PRRC2B: variants seen among roughly 807,000 people sequenced by gnomAD.
The protein encoded by PRRC2B is proline rich coiled-coil 2B.
Under a neutral mutation model 242.3 loss-of-function variants are expected in PRRC2B, and 68 were observed. That is an observed-to-expected ratio of 0.28 (90% CI 0.23 to 0.34). The LOEUF (loss-of-function observed/expected upper bound fraction) is 0.34, where lower values mean the gene tolerates loss of function less well. Among genes scored for constraint, PRRC2B ranks in the 10% least tolerant of loss-of-function variants. The pLI is 1.00. For synonymous variants in PRRC2B, 1,228 were observed against 1,173.6 expected (o/e 1.05, Z -0.95); for missense variants, 2,835 against 2,954.8 (o/e 0.96, Z 0.94).
chr9:131,399,174 G>A (rs1837151106), intron 1 of PRRC2B, among the ~76,000 whole-genome samples: 1 of 151,456 alleles, frequency 6.6e-6, no homozygotes, highest in Non-Finnish European at 1.5e-5. Context: ...TACTCAGGAG[G>A]GGTGAGGCTG....
rs1302819328 is a variant in PRRC2B at position 131,492,168 on chromosome 9, G to T, written c.6382-1G>T. 1 of 1,612,816 alleles carries T rather than the reference G, an allele frequency of 6.2e-7. No individual in the cohort carries two copies. The highest frequency in any genetic ancestry group is 1.3e-5 in the African/African-American group (1 of 75,012). On this transcript the variant is annotated splice_acceptor_variant, in intron 29 of 31. Coordinates refer to ENST00000683519, the MANE Select transcript of PRRC2B (RefSeq NM_013318.4). LOFTEE classifies it high-confidence loss of function. ...AGCTTGTTCCTGCTTGGTCTCTCTA[G>T]CCCTCTCAGATGGAGATGAAAGGCT...
chr9:131,428,276 A>G (rs1838027455), intron 1 of PRRC2B, among the ~76,000 whole-genome samples: 1 of 151,870 alleles, frequency 6.6e-6, no homozygotes. Context: ...GCTGGAGTAC[A>G]GTGGCCTGAT....
At position 131,477,689 on chromosome 9, in the gene PRRC2B, C is replaced by T. The variant is rs187690219; in HGVS notation, c.4407-55C>T. The T allele has an allele frequency of 2.0e-4, 212 of 1,071,286 alleles. 1 individual carries two copies. The highest frequency in any genetic ancestry group is 2.9e-4 in the Middle Eastern group (1 of 3,438). 66.4% of individuals were successfully genotyped at this position (1,071,286 alleles called of 1,614,324 possible). ...CTTGTGTGCAGGCTGTGTGCACGTG[C>T]GGTGTTTTCCCTCCTTCCCCAGCTC... On this transcript the variant is annotated intron_variant, in intron 16 of 31. Transcript: ENST00000683519.
intron 1 of PRRC2B, among the ~76,000 whole-genome samples, chr9:131,403,729 G>A (rs1837286143): frequency 6.6e-6 from 1 of 150,598 alleles, no homozygotes; most frequent in Admixed American, 6.6e-5. Context: ...TTTCCCCAAT[G>A]TCCCAGGCAG....
chr9:131,461,439 G>A (rs1041827993), intron 11 of PRRC2B, among the ~76,000 whole-genome samples: 1 of 152,208 alleles, frequency 6.6e-6, no homozygotes, highest in African/African-American at 2.4e-5. Flanking sequence ...CACACCTAGT[G>A]ACTCTGGGAC....
In PRRC2B at chr9:131,494,542, C is replaced by T. The variant is rs538319948; in HGVS notation, c.6555+56C>T. On this transcript the variant is annotated intron_variant, in intron 31 of 31. Coordinates refer to ENST00000683519, the MANE Select transcript of PRRC2B (RefSeq NM_013318.4). This position sits in a 1 kb window ranked among gnomAD's most constrained non-coding sequence, Gnocchi z 4.3. ...CTGGACACTTAGGCCCGTCTCCAAG[C>T]GCCAAAAGAGAAGGGACTGTCCAAC... is the stretch of plus-strand genomic sequence containing the variant. The T allele has an allele frequency of 2.4e-5, 23 of 978,136 alleles. No individual in the cohort carries two copies. Among genetic ancestry groups the T allele is most frequent in the African/African-American group, 8.2e-5 (5 of 60,838 alleles). 60.6% of individuals were successfully genotyped at this position (978,136 alleles called of 1,614,324 possible).
rs761028907 is a variant in PRRC2B at position 131,388,519 on chromosome 9, C to T, written c.-56+14788C>T. ...ACTCCCAAAGTGCTGGGATTACAGA[C>T]GTGTGCCACCACGCCCAGCACTTTT... On this transcript the variant is annotated intron_variant, in intron 1 of 1. Transcript: ENST00000682525. Among the ~76,000 whole-genome samples the T allele has an allele frequency of 1.8e-4, 27 of 148,730 alleles. 1 individual carries two copies. The highest frequency in any genetic ancestry group is 3.3e-4 in the Non-Finnish European group (22 of 67,094).
intron 1 of PRRC2B, among the ~76,000 whole-genome samples, chr9:131,398,797 G>T (rs1353176797): frequency 1.3e-5 from 2 of 151,942 alleles, no homozygotes; most frequent in East Asian, 3.9e-4. Flanking sequence ...GCAATGTGAT[G>T]AAAATAAAAA....
chr9:131,450,286 G>A (rs1424379013), intron 9 of PRRC2B, among the ~76,000 whole-genome samples: 1 of 145,140 alleles, frequency 6.9e-6, no homozygotes, highest in Non-Finnish European at 1.5e-5. Context: ...TTTTTTTCCC[G>A]AGACAGAGTC....
Position 131,473,660 on chromosome 9 carries a change from A to T in PRRC2B, c.2260A>T (p.Ser754Cys). ...WSPEGYMALQSKGYPLPHPKS... is the reference protein window; with the variant it reads ...WSPEGYMALQCKGYPLPHPKS... ...CCCAGAGGGCTACATGGCACTGCAG[A>T]GCAAGGGCTACCCGCTCCCGCACCC... The change falls in exon 15 of 32, where the codon AGC (serine) becomes TGC (cysteine). Residue 754 changes from serine (S) to cysteine (C), a missense_variant. This residue lies in a region of PRRC2B where 1,536 missense variants were observed against 1,483.1 expected (regional missense o/e 1.04). Transcript: ENST00000683519. 1 of 1,613,876 alleles carries T rather than the reference A, an allele frequency of 6.2e-7. No individual in the cohort carries two copies. Among genetic ancestry groups the T allele is most frequent in the Non-Finnish European group, 8.5e-7 (1 of 1,179,860 alleles).
intron 14 of PRRC2B, 40 bp downstream of exon 14, chr9:131,471,023 A>G (rs201598030): frequency 5.3e-4 from 778 of 1,472,256 alleles, no homozygotes; most frequent in Non-Finnish European, 6.9e-4. Flanking sequence ...TGTATCACCC[A>G]GGATAGCGTG....
chr9:131,422,180 G>T (rs536154377), intron 1 of PRRC2B, among the ~76,000 whole-genome samples: 10 of 151,962 alleles, frequency 6.6e-5, no homozygotes, highest in Non-Finnish European at 1.5e-4. Flanking sequence ...TCAGCCTCCC[G>T]AATAGCTGGG....
chr9:131,462,087 C>T (rs1035477044), intron 11 of PRRC2B, among the ~76,000 whole-genome samples: 3 of 152,138 alleles, frequency 2.0e-5, no homozygotes, highest in African/African-American at 7.2e-5. Context: ...AGAAGTAGTG[C>T]TGATCAGTAT....
intron 1 of PRRC2B, among the ~76,000 whole-genome samples, chr9:131,380,888 A>G (rs983349681): frequency 4.0e-5 from 6 of 149,712 alleles, no homozygotes; most frequent in Non-Finnish European, 7.4e-5. Flanking sequence ...TCTGTCTCCA[A>G]AAAAAAAAAA....
rs552962107 is a variant in PRRC2B at position 131,422,203 on chromosome 9, C to T, written c.-51-7891C>T. Reference sequence around the variant, plus strand: ...CCGAATAGCTGGGATTACAGGCGCGCGCCACCATGCCCAGCTAAATTTTGT... The same window carrying T: ...CCGAATAGCTGGGATTACAGGCGCGTGCCACCATGCCCAGCTAAATTTTGT... On this transcript the variant is annotated intron_variant, in intron 1 of 31. Coordinates refer to ENST00000683519, the MANE Select transcript of PRRC2B (RefSeq NM_013318.4). Among the ~76,000 whole-genome samples, 489 of 152,126 alleles carry T rather than the reference C, an allele frequency of 3.2e-3. 2 individuals are homozygous for T. The highest frequency in any genetic ancestry group is 5.7e-3 in the Non-Finnish European group (386 of 67,988).
intron 1 of PRRC2B, among the ~76,000 whole-genome samples, chr9:131,400,484 CT>C (rs1171913565): frequency 1.3e-5 from 2 of 151,846 alleles, no homozygotes; most frequent in Non-Finnish European, 2.9e-5. Flanking sequence ...CACCTGGCTA[CT>C]TTTTGTATTT....
In PRRC2B at chr9:131,475,528, G is replaced by T; in HGVS notation, c.3399G>T (p.Glu1133Asp). 1 of 1,611,926 alleles carries T rather than the reference G, an allele frequency of 6.2e-7. No homozygotes were observed. Among genetic ancestry groups the T allele is most frequent in the East Asian group, 2.2e-5 (1 of 44,858 alleles). Residue 1133 changes from glutamate to aspartate, a missense_variant, in exon 16 of 32, where the codon GAG becomes GAT. This residue lies in a region of PRRC2B where 1,536 missense variants were observed against 1,483.1 expected (regional missense o/e 1.04). Coordinates refer to ENST00000683519, the MANE Select transcript of PRRC2B (RefSeq NM_013318.4). Reference protein sequence around the residue: ...RAKPRRRVASETHSEGSEYEE... With the variant: ...RAKPRRRVASDTHSEGSEYEE... ...AGCCCCGACGGAGAGTTGCCAGTGA[G>T]ACCCATAGCGAGGGCTCAGAGTATG...
At chr9:131,410,435 C>T (rs539608026) in intron 1 of PRRC2B, among the ~76,000 whole-genome samples, 4 of 152,318 alleles carry the variant, frequency 2.6e-5, no homozygotes, top group South Asian at 4.1e-4. Flanking sequence ...CAGGGAGTAC[C>T]GTGGGCAGGT....
intron 26 of PRRC2B, among the ~76,000 whole-genome samples, chr9:131,486,710 T>A (rs1944035195): frequency 1.3e-5 from 2 of 152,228 alleles, no homozygotes; most frequent in Admixed American, 1.3e-4. Context: ...ACAGTGGACT[T>A]CCAGGCAGAA....
Sources: gnomAD v4.1 joint callset for allele counts (sites outside exome capture counted in the v4.1 genomes callset) on GRCh38, gnomAD v4.1.1 for gene constraint, gnomAD v4.1.1 regional missense constraint, Gnocchi (gnomAD v3.1) non-coding constraint, MANE v1.5 for transcripts, NCBI Gene and HGNC (gene_info 2026-07-23, HGNC 2026-07-21) for gene names.